The following EXT1 variants were observed in gnomAD, a reference collection of about 807,000 sequenced individuals.
EXT1 encodes exostosin glycosyltransferase 1, also known as exostosin-1.
Under a neutral mutation model 82.5 loss-of-function variants are expected in EXT1, and 20 were observed. That is an observed-to-expected ratio of 0.24 (90% CI 0.17 to 0.35). The LOEUF is 0.35. Ranked by LOEUF, EXT1 falls within the 10% of genes least tolerant of loss-of-function variation. The pLI is 1.00. For missense variants in EXT1, 757 were observed against 936.5 expected, an observed-to-expected ratio of 0.81 and a Z score of 2.50; for synonymous variants, 348 against 350.8, an observed-to-expected ratio of 0.99 and a Z score of 0.09.
At position 117,934,660 on chromosome 8, in the gene EXT1, A is replaced by T. The variant is rs564611506; in HGVS notation, c.963-97459T>A. 1.4e-3 allele frequency among the ~76,000 whole-genome samples: 219 copies of T among 152,226 alleles called. 1 individual carries two copies. Among genetic ancestry groups the T allele is most frequent in the Non-Finnish European group, 2.6e-3 (179 of 68,040 alleles). On this transcript the variant is annotated intron_variant, in intron 1 of 10. Transcript: ENST00000378204. ...AGAGAATGAAATCTGAAATGCAGCC[A>T]GTTCACAGGAAGCCAGCCAGCTGGG...
intron 10 of EXT1, among the ~76,000 whole-genome samples, chr8:117,800,454 G>A (rs1426948003): frequency 6.6e-6 from 1 of 152,098 alleles, no homozygotes; most frequent in East Asian, 1.9e-4. Flanking sequence ...GAACAAAATA[G>A]TGCCTTTTAC....
At chr8:118,037,836 GT>G (rs58862041) in intron 1 of EXT1, among the ~76,000 whole-genome samples, 1,515 of 107,362 alleles carry the variant, frequency 0.014, 13 homozygotes, top group African/African-American at 0.055. Flanking sequence ...AGTGTTTTTT[GT>G]TTTTTTTTTT....
intron 1 of EXT1, among the ~76,000 whole-genome samples, chr8:117,958,029 G>A (rs1046543196): frequency 2.6e-5 from 4 of 152,010 alleles, no homozygotes; most frequent in African/African-American, 9.7e-5. Context: ...GGAACCTAAT[G>A]GTTATTTTGG....
chr8:118,071,881 A>G (rs548241871), intron 1 of EXT1, among the ~76,000 whole-genome samples: 2 of 145,612 alleles, frequency 1.4e-5, no homozygotes, highest in Admixed American at 6.6e-5. Flanking sequence ...CTTAAATCTT[A>G]AAACAGCATC....
chr8:117,996,046 G>T (rs1815532589), intron 1 of EXT1, among the ~76,000 whole-genome samples: 1 of 151,842 alleles, frequency 6.6e-6, no homozygotes, highest in African/African-American at 2.4e-5. Flanking sequence ...AAGAAATGGG[G>T]TCTACTGCCC....
intron 1 of EXT1, among the ~76,000 whole-genome samples, chr8:117,982,768 A>G (rs1440918289): frequency 2.0e-5 from 3 of 152,178 alleles, no homozygotes; most frequent in Non-Finnish European, 4.4e-5. Context: ...CTGGGATTAC[A>G]GGCGTGAGCC....
chr8:117,946,791 C>T (rs889242645), intron 1 of EXT1, among the ~76,000 whole-genome samples: 6 of 149,878 alleles, frequency 4.0e-5, no homozygotes, highest in Admixed American at 1.3e-4. Flanking sequence ...CACCTGGCAC[C>T]GTTCGGAGGG....
At chr8:118,062,882 A>C (rs1816905006) in intron 1 of EXT1, among the ~76,000 whole-genome samples, 1 of 152,166 alleles carries the variant, frequency 6.6e-6, no homozygotes, top group African/African-American at 2.4e-5. Flanking sequence ...TTTGCTACTC[A>C]TCCTTCCCTT....
chr8:117,827,844 G>A (rs529613664), intron 4 of EXT1, among the ~76,000 whole-genome samples: 65 of 144,786 alleles, frequency 4.5e-4, no homozygotes, highest in African/African-American at 1.5e-3. Flanking sequence ...TATTTGAAAC[G>A]GACTTCAAAT....
intron 4 of EXT1, among the ~76,000 whole-genome samples, chr8:117,827,784 C>CAAAAAAAAAAAAAAAAAAAAAAAAA (rs768731740): frequency 3.7e-5 from 2 of 54,140 alleles, no homozygotes; most frequent in African/African-American, 8.0e-5. Context: ...GACTCTGTCT[C>CAAAAAAAAAAAAAAAAAAAAAAAAA]AAAAAAAAAA....
chr8:117,916,278 T>C (rs1167460835), intron 1 of EXT1, among the ~76,000 whole-genome samples: 1 of 152,186 alleles, frequency 6.6e-6, no homozygotes, highest in South Asian at 2.1e-4. Flanking sequence ...AAATGTTTCC[T>C]CCTCTCTTCT....
chr8:117,817,287 T>C (rs1811838923), intron 7 of EXT1, among the ~76,000 whole-genome samples: 2 of 152,190 alleles, frequency 1.3e-5, no homozygotes, highest in Admixed American at 1.3e-4. Flanking sequence ...AATTGCATTA[T>C]GTCAAACCAT....
chr8:117,869,564 G>A (rs1000004487), intron 1 of EXT1, among the ~76,000 whole-genome samples: 2 of 152,054 alleles, frequency 1.3e-5, no homozygotes, highest in African/African-American at 4.8e-5. Context: ...TCTTTTTCTG[G>A]CAATACTGGC....
At chr8:117,816,908 C>G (rs1378778605) in intron 7 of EXT1, among the ~76,000 whole-genome samples, 1 of 152,164 alleles carries the variant, frequency 6.6e-6, no homozygotes, top group Non-Finnish European at 1.5e-5. Context: ...CAAAGTTCAA[C>G]ATTAACTGCC....
At chr8:118,094,785 A>G (rs1359828139) in intron 1 of EXT1, among the ~76,000 whole-genome samples, 1 of 152,210 alleles carries the variant, frequency 6.6e-6, no homozygotes, top group Non-Finnish European at 1.5e-5. Flanking sequence ...GCTGGAAGTC[A>G]AGAGACGTGT....
chr8:117,830,397 G>A, intron 3 of EXT1, 48 bp from the exon 4 acceptor site: 1 of 1,604,988 alleles, frequency 6.2e-7, no homozygotes, highest in Non-Finnish European at 8.5e-7. Context: ...AAAACAAAGA[G>A]ATGCACTTGA....
chr8:117,887,894 T>C (rs1015176788), intron 1 of EXT1, among the ~76,000 whole-genome samples: 28 of 151,774 alleles, frequency 1.8e-4, no homozygotes, highest in African/African-American at 6.8e-4. Flanking sequence ...GAGACCTGCC[T>C]GACCAACATG....
chr8:117,871,457 G>C (rs918735925), intron 1 of EXT1, among the ~76,000 whole-genome samples: 1 of 152,182 alleles, frequency 6.6e-6, no homozygotes, highest in Non-Finnish European at 1.5e-5. Flanking sequence ...GTCCCCTAGA[G>C]ATATCTAAAA....
intron 1 of EXT1, among the ~76,000 whole-genome samples, chr8:117,864,841 T>A (rs1476132561): frequency 6.6e-6 from 1 of 152,062 alleles, no homozygotes; most frequent in African/African-American, 2.4e-5. Flanking sequence ...AAAGTTGTTC[T>A]GGTCTGCATG....
Sources: gnomAD v4.1 joint callset for allele counts (sites outside exome capture counted in the v4.1 genomes callset) on GRCh38, gnomAD v4.1.1 for gene constraint, MANE v1.5 for transcripts, NCBI Gene and HGNC (gene_info 2026-07-23, HGNC 2026-07-21) for gene names.